MYO3B: variants seen among roughly 807,000 people sequenced by gnomAD.
The protein encoded by MYO3B is myosin-IIIb.
MYO3B carries 156 observed loss-of-function variants against 174.6 expected under a neutral mutation model. The observed-to-expected ratio is 0.89, with a 90% CI of 0.78 to 1.02. The LOEUF is 1.02. Among genes scored for constraint, MYO3B ranks in the 50% least tolerant of loss-of-function variants. MYO3B has a pLI of 0.00. For synonymous variants in MYO3B, 563 were observed against 569.1 expected (o/e 0.99, Z 0.15); for missense variants, 1,632 against 1,639.4 (o/e 1.00, Z 0.08).
At chr2:170,603,238 C>T (rs542492887) in intron 32 of MYO3B, among the ~76,000 whole-genome samples, 2 of 152,076 alleles carry the variant, frequency 1.3e-5, no homozygotes, top group African/African-American at 4.8e-5. Flanking sequence ...AATCCACGCC[C>T]CCCCAACCCC....
chr2:170,581,476 AAC>A (rs1424363900), intron 32 of MYO3B, among the ~76,000 whole-genome samples: 6 of 152,196 alleles, frequency 3.9e-5, no homozygotes, highest in East Asian at 1.9e-4. Context: ...TTTTAATTTT[AAC>A]AGTTTTATTA....
chr2:170,231,013 C>G (rs1233018354), intron 6 of MYO3B, among the ~76,000 whole-genome samples: 1 of 152,230 alleles, frequency 6.6e-6, no homozygotes, highest in Non-Finnish European at 1.5e-5. Context: ...GAGCTGCTGA[C>G]TGTTGTTTTT....
At chr2:170,180,295 T>C in intron 1 of MYO3B, 1 of 293,102 alleles carries the variant, frequency 3.4e-6, no homozygotes, top group Non-Finnish European at 7.5e-6. Context: ...TCAAATCAGC[T>C]CATGAAAAGA....
rs71006077 is a variant in MYO3B, at chr2:170,220,628, C to CAA, written c.603+3258_603+3259dup. Among the ~76,000 whole-genome samples the CAA allele has an allele frequency of 2.3e-3, 195 of 85,898 alleles. 19 individuals are homozygous for CAA. The highest frequency in any genetic ancestry group is 3.6e-3 in the Non-Finnish European group (153 of 42,268). 56.4% of individuals were successfully genotyped at this position (85,898 alleles called of 152,430 possible). A position where few individuals can be genotyped will look rare whatever the true frequency, so the allele number is the denominator to read the frequency against. On this transcript the variant is annotated intron_variant, in intron 6 of 34. Coordinates refer to ENST00000408978, the MANE Select transcript of MYO3B (RefSeq NM_138995.5). ...TGGGCGACAGAGCCAGATTCCGTCT[C>CAA]AAAAAAAAAAAAAAAAAAAAAAAAA...
chr2:170,202,382 A>G (rs757889482), intron 3 of MYO3B, among the ~76,000 whole-genome samples: 1 of 152,140 alleles, frequency 6.6e-6, no homozygotes, highest in Non-Finnish European at 1.5e-5. Flanking sequence ...AGTCTAAACC[A>G]GGCTGCTACA....
intron 8 of MYO3B, among the ~76,000 whole-genome samples, chr2:170,354,338 G>A (rs1206734338): frequency 2.0e-5 from 3 of 152,100 alleles, no homozygotes; most frequent in African/African-American, 7.2e-5. Context: ...GAGATGGGTG[G>A]GTAAGTGGTC....
At chr2:170,454,965 GCCACAAGA>G (rs2105936640) in intron 23 of MYO3B, among the ~76,000 whole-genome samples, 1 of 152,266 alleles carries the variant, frequency 6.6e-6, no homozygotes, top group South Asian at 2.1e-4. Context: ...CTGGGTTGAG[GCCACAAGA>G]CCAGATGAGC....
At chr2:170,489,634 G>GGGGTGTGTGT (rs1553507396) in intron 25 of MYO3B, among the ~76,000 whole-genome samples, 4 of 139,322 alleles carry the variant, frequency 2.9e-5, no homozygotes, top group East Asian at 2.1e-4. Context: ...AACCAGTAGG[G>GGGGTGTGTGT]GTGTGTGTGT....
intron 32 of MYO3B, among the ~76,000 whole-genome samples, chr2:170,565,921 C>CAT (rs1419395562): frequency 1.3e-5 from 2 of 152,110 alleles, no homozygotes; most frequent in Non-Finnish European, 2.9e-5. Context: ...GGTCTCAGGC[C>CAT]CTACTGAGAG....
rs765068096 is a variant in MYO3B at position 170,407,799 on chromosome 2, A to G, written c.2605A>G (p.Asn869Asp). The G allele has an allele frequency of 1.1e-5, 18 of 1,613,990 alleles. No individual in the cohort carries two copies. The highest frequency in any genetic ancestry group is 1.7e-5 in the Admixed American group (1 of 60,012). ...DVVVVLRTSENKLLQQLFSIP... is the reference protein window; with the variant it reads ...DVVVVLRTSEDKLLQQLFSIP... ...GGTTGTGGTCCTGAGAACGTCAGAA[A>G]ACAAGCTTCTTCAGCAGCTCTTCTC... Residue 869 changes from asparagine (N) to aspartate (D), a missense_variant, in exon 22 of 35, where the codon AAC becomes GAC. By Grantham distance (23) the Asn-to-Asp change is conservative. Transcript: ENST00000408978.
At chr2:170,548,219 GACC>G (rs1690666721) in intron 32 of MYO3B, among the ~76,000 whole-genome samples, 1 of 150,580 alleles carries the variant, frequency 6.6e-6, no homozygotes, top group South Asian at 2.1e-4. Flanking sequence ...CCTGGCAGAA[GACC>G]ATGATAAAGG....
chr2:170,221,268 C>A (rs1225707889), intron 6 of MYO3B, among the ~76,000 whole-genome samples: 1 of 152,068 alleles, frequency 6.6e-6, no homozygotes, highest in Non-Finnish European at 1.5e-5. Flanking sequence ...TTGCAGATGA[C>A]TTGTGCTTTA....
intron 8 of MYO3B, chr2:170,344,105 T>C (rs2093997739): frequency 6.6e-6 from 1 of 152,238 alleles, no homozygotes; most frequent in Non-Finnish European, 1.5e-5. Context: ...AGATGACTGC[T>C]GGAGCTCTGA....
At chr2:170,530,238 T>G (rs1211871625) in intron 30 of MYO3B, among the ~76,000 whole-genome samples, 1 of 152,190 alleles carries the variant, frequency 6.6e-6, no homozygotes, top group East Asian at 1.9e-4. Flanking sequence ...GAAACAGAGC[T>G]CTAGCGACTG....
At chr2:170,261,014 G>T (rs904119282) in intron 7 of MYO3B, among the ~76,000 whole-genome samples, 1 of 152,040 alleles carries the variant, frequency 6.6e-6, no homozygotes, top group Non-Finnish European at 1.5e-5. Context: ...CTTTTCTTTC[G>T]TTTCTTTTTG....
intron 7 of MYO3B, among the ~76,000 whole-genome samples, chr2:170,260,289 C>T (rs2093335910): frequency 6.6e-6 from 1 of 152,106 alleles, no homozygotes; most frequent in African/African-American, 2.4e-5. Context: ...GCACCATTCA[C>T]AATAGCAAAG....
At position 170,617,994 on chromosome 2, in the gene MYO3B, G is replaced by A. The variant is rs1049728662; in HGVS notation, c.3734-33634G>A. On this transcript the variant is annotated intron_variant, in intron 32 of 34. Transcript: ENST00000408978. ...ATTACTGTTTTGATCTGCCTTAGAG[G>A]TTTTAATGAGAGCCCTGATATCAAG... Among the ~76,000 whole-genome samples the A allele has an allele frequency of 4.6e-5, 7 of 152,280 alleles. No individual in the cohort carries two copies. The East Asian group carries it at 1.4e-3, about 29-fold the overall frequency.
chr2:170,422,977 C>CTCTTT (rs1553488246), intron 22 of MYO3B, among the ~76,000 whole-genome samples: 1 of 88,506 alleles, frequency 1.1e-5, no homozygotes, highest in Non-Finnish European at 2.0e-5. Context: ...TTCTTTCTTT[C>CTCTTT]TTTTTTTTTT....
At chr2:170,625,381 T>C (rs1279024014) in intron 32 of MYO3B, among the ~76,000 whole-genome samples, 2 of 152,188 alleles carry the variant, frequency 1.3e-5, no homozygotes, top group African/African-American at 2.4e-5. Flanking sequence ...TCTCTGATGG[T>C]AGTTTGTATT....
Sources: gnomAD v4.1 joint callset for allele counts (sites outside exome capture counted in the v4.1 genomes callset) on GRCh38, gnomAD v4.1.1 for gene constraint, MANE v1.5 for transcripts, NCBI Gene and HGNC (gene_info 2026-07-23, HGNC 2026-07-21) for gene names.